The following CC2D2A variants were observed in gnomAD, a reference collection of about 807,000 sequenced individuals.
The protein encoded by CC2D2A is coiled-coil and C2 domain containing 2A.
A neutral mutation model predicts 212.9 loss-of-function variants in CC2D2A; 155 were observed. That is an observed-to-expected ratio of 0.73 (90% confidence interval 0.64 to 0.83). The LOEUF (loss-of-function observed/expected upper bound fraction) is 0.83. Among genes scored for constraint, CC2D2A ranks in the 40% least tolerant of loss-of-function variants. The pLI is 0.00. For missense variants in CC2D2A, 1,856 were observed against 1,956.2 expected (o/e 0.95, Z 0.97); for synonymous variants, 667 against 686.5 (o/e 0.97, Z 0.44).
At chr4:15,492,248 C>T (rs1438456493) in intron 4 of CC2D2A, among the ~76,000 whole-genome samples, 1 of 151,416 alleles carries the variant, frequency 6.6e-6, no homozygotes, top group African/African-American at 2.4e-5. Flanking sequence ...ATCCTGTGTG[C>T]TCTACCTTCA....
intron 11 of CC2D2A, chr4:15,519,489 T>C (rs1717084266): frequency 2.2e-6 from 1 of 448,316 alleles, no homozygotes; most frequent in Non-Finnish European, 4.5e-6. Flanking sequence ...TTCCACATTT[T>C]TGGGTATCTT....
At chr4:15,482,769 G>C (rs1241029540) in intron 4 of CC2D2A, among the ~76,000 whole-genome samples, 1 of 152,164 alleles carries the variant, frequency 6.6e-6, no homozygotes, top group African/African-American at 2.4e-5. Flanking sequence ...AAGACTGCCA[G>C]GAGAGGTGGC....
chr4:15,526,516 A>G (rs963536095), intron 11 of CC2D2A, among the ~76,000 whole-genome samples: 1 of 152,196 alleles, frequency 6.6e-6, no homozygotes, highest in Non-Finnish European at 1.5e-5. Flanking sequence ...TTCTTTTCTG[A>G]TTAGAATTTT....
intron 16 of CC2D2A, among the ~76,000 whole-genome samples, chr4:15,539,808 G>A (rs550595671): frequency 6.6e-6 from 1 of 152,278 alleles, no homozygotes; most frequent in South Asian, 2.1e-4. Context: ...TAAGTCTTCA[G>A]TGTCTTGGAT....
chr4:15,514,982 T>G (rs1716778851), intron 9 of CC2D2A, 113 bp downstream of exon 9: 2 of 868,966 alleles, frequency 2.3e-6, no homozygotes, highest in Non-Finnish European at 3.4e-6. Flanking sequence ...CAGTTTCTAA[T>G]CTAACAATCA....
intron 11 of CC2D2A, among the ~76,000 whole-genome samples, chr4:15,524,348 G>A (rs376246048): frequency 6.6e-6 from 1 of 151,936 alleles, no homozygotes; most frequent in African/African-American, 2.4e-5. Flanking sequence ...GGCCAGGCTG[G>A]TCTTGAATTC....
chr4:15,482,791 G>A (rs1714771650), intron 4 of CC2D2A, among the ~76,000 whole-genome samples: 1 of 152,144 alleles, frequency 6.6e-6, no homozygotes, highest in Non-Finnish European at 1.5e-5. Flanking sequence ...ACCAGTCAAG[G>A]CTCTGTGACA....
At chr4:15,517,195 C>A (rs1231743785) in intron 11 of CC2D2A, among the ~76,000 whole-genome samples, 1 of 151,908 alleles carries the variant, frequency 6.6e-6, no homozygotes, top group Non-Finnish European at 1.5e-5. Flanking sequence ...GATCCGCCCA[C>A]CTCAGCCTCC....
chr4:15,578,346 A>C (rs1414091255), intron 29 of CC2D2A, among the ~76,000 whole-genome samples: 1 of 152,210 alleles, frequency 6.6e-6, no homozygotes, highest in Non-Finnish European at 1.5e-5. Context: ...TCAAATCTGG[A>C]ATAGAAGCCA....
At chr4:15,511,216 G>A (rs1409447524) in intron 7 of CC2D2A, 31 bp from the exon 8 acceptor site, 4 of 1,569,466 alleles carry the variant, frequency 2.5e-6, no homozygotes, top group Non-Finnish European at 3.5e-6. Context: ...TTATAAATGG[G>A]AAATTGCGAT....
intron 11 of CC2D2A, among the ~76,000 whole-genome samples, chr4:15,521,548 G>T (rs1717204658): frequency 6.6e-6 from 1 of 152,078 alleles, no homozygotes. Context: ...TTCCACCTAG[G>T]AGTTTCTGGC....
At chr4:15,510,366 C>T (rs1335230780) in intron 7 of CC2D2A, 126 bp downstream of exon 7, 4 of 742,056 alleles carry the variant, frequency 5.4e-6, no homozygotes, top group African/African-American at 5.4e-5. Context: ...GAGGCCAAGA[C>T]AGGCAGATAT....
chr4:15,559,122 C>T (rs1342768448), intron 21 of CC2D2A, 43 bp from the exon 22 acceptor site: 5 of 1,149,988 alleles, frequency 4.3e-6, no homozygotes, highest in African/African-American at 3.1e-5. Context: ...TTAAGAAAAG[C>T]ACCAGAGAGT....
chr4:15,484,664 G>A (rs1714898252), intron 4 of CC2D2A, among the ~76,000 whole-genome samples: 1 of 152,156 alleles, frequency 6.6e-6, no homozygotes, highest in African/African-American at 2.4e-5. Context: ...AATTATGAAA[G>A]CAGGAAGGTT....
chr4:15,533,422 CA>C, intron 14 of CC2D2A, 89 bp downstream of exon 14: 1 of 985,042 alleles, frequency 1.0e-6, no homozygotes, highest in South Asian at 2.0e-5. Context: ...AAAGTAATTA[CA>C]AACAAATATG....
rs762024789 is a variant in CC2D2A at position 15,511,272 on chromosome 4, A to G, written c.566A>G (p.Glu189Gly). The stretch of plus-strand genomic sequence containing the variant: ...GTTCCACCTGGCTTCCCTTCTGCAG[A>G]AGAGGCCTATAACTTCTTTACTTTC... ...PQVPPGFPSA[E>G]EAYNFFTFNF... Residue 189 changes from glutamate to glycine, a missense_variant, in exon 8 of 37, where the codon GAA becomes GGA. Coordinates refer to ENST00000424120, the MANE Select transcript of CC2D2A (RefSeq NM_001378615.1). The G allele has an allele frequency of 8.8e-6, 14 of 1,599,110 alleles. No individual in the cohort carries two copies. In the East Asian group the frequency reaches 2.0e-4, roughly 23 times the overall value.
intron 33 of CC2D2A, 46 bp downstream of exon 33, chr4:15,589,725 T>C: frequency 7.5e-7 from 1 of 1,339,382 alleles, no homozygotes; most frequent in Non-Finnish European, 9.8e-7. Context: ...TGTCGTTTCT[T>C]TTAAATAACT....
intron 6 of CC2D2A, among the ~76,000 whole-genome samples, chr4:15,503,412 CT>C (rs1246825211): frequency 2.6e-5 from 4 of 152,208 alleles, no homozygotes; most frequent in Non-Finnish European, 5.9e-5. Flanking sequence ...AGGGCAGGTA[CT>C]ATTATTTTCA....
intron 1 of CC2D2A, among the ~76,000 whole-genome samples, chr4:15,472,214 A>T (rs994972301): frequency 2.6e-5 from 4 of 152,242 alleles, no homozygotes; most frequent in African/African-American, 7.2e-5. Flanking sequence ...TGGAAAAATC[A>T]TGTAAATTGT....
Sources: allele counts gnomAD v4.1 joint callset (sites outside exome capture counted in the v4.1 genomes callset), GRCh38; gene constraint gnomAD v4.1.1; transcripts MANE v1.5; gene names NCBI Gene and HGNC (gene_info 2026-07-23, HGNC 2026-07-21).